RNF212: variants seen among roughly 807,000 people sequenced by gnomAD.
RNF212 encodes the protein ring finger protein 212.
RNF212 carries 33 observed loss-of-function variants against 34.7 expected under a neutral mutation model. That is an observed-to-expected ratio of 0.95 (90% confidence interval 0.72 to 1.27). The LOEUF (loss-of-function observed/expected upper bound fraction) is 1.27. Among genes scored for constraint, RNF212 ranks in the 50% most tolerant of loss-of-function variants. The probability of loss-of-function intolerance (pLI) is 0.00; values close to 1 mark genes in which losing one functional copy is unlikely to be tolerated. For missense variants in RNF212, 377 were observed against 362.2 expected (o/e 1.04, Z -0.33); for synonymous variants, 140 against 136.1 (o/e 1.03, Z -0.20).
intron 8 of RNF212, among the ~76,000 whole-genome samples, chr4:1,074,082 T>C (rs1042903868): frequency 2.6e-5 from 4 of 152,212 alleles, no homozygotes; most frequent in African/African-American, 9.7e-5. Context: ...CTCAGAGCTG[T>C]GTGTGCTGGG....
chr4:1,073,416 G>GCTT (rs966572462), intron 9 of RNF212, among the ~76,000 whole-genome samples, 183 bp downstream of exon 9: 4 of 152,104 alleles, frequency 2.6e-5, no homozygotes, highest in African/African-American at 9.7e-5. Flanking sequence ...GTCATCAGGA[G>GCTT]CTTCTCCCTG....
At chr4:1,079,445 G>T (rs1486638992) in intron 8 of RNF212, among the ~76,000 whole-genome samples, 198 bp downstream of exon 8, 2 of 152,226 alleles carry the variant, frequency 1.3e-5, no homozygotes, top group African/African-American at 4.8e-5. Context: ...GGCCATTCAG[G>T]CAGAACAGGA....
intron 3 of RNF212, chr4:1,093,755 G>C: frequency 2.6e-6 from 4 of 1,536,260 alleles, no homozygotes; most frequent in Non-Finnish European, 2.6e-6. Flanking sequence ...GCCCCAAGGG[G>C]ACTTGGTGTG....
chr4:1,079,582 G>A, intron 8 of RNF212, 61 bp downstream of exon 8: 1 of 1,170,060 alleles, frequency 8.5e-7, no homozygotes, highest in South Asian at 1.2e-5. Context: ...CACTACTGAG[G>A]AAAATGGGAA....
intron 4 of RNF212, among the ~76,000 whole-genome samples, chr4:1,089,778 T>C (rs1033494452): frequency 6.6e-6 from 1 of 152,182 alleles, no homozygotes; most frequent in Non-Finnish European, 1.5e-5. Context: ...TTTAAGAGTG[T>C]TTGGCAGTTC....
intron 8 of RNF212, among the ~76,000 whole-genome samples, chr4:1,077,215 G>A (rs1391298909): frequency 6.6e-6 from 1 of 152,178 alleles, no homozygotes; most frequent in African/African-American, 2.4e-5. Context: ...AGGCAATAGA[G>A]TGAGACTCTG....
chr4:1,091,257 T>C (rs1402447928), intron 3 of RNF212, among the ~76,000 whole-genome samples: 1 of 152,192 alleles, frequency 6.6e-6, no homozygotes, highest in East Asian at 1.9e-4. Flanking sequence ...AGAGGCCTGG[T>C]GGGCCTGTCT....
rs567303598 is a variant in RNF212, at chr4:1,092,012, C to T, written c.247-1174G>A. Among the ~76,000 whole-genome samples, 6 of 152,354 alleles carry T rather than the reference C, an allele frequency of 3.9e-5. No individual in the cohort carries two copies. In the South Asian group the frequency reaches 1.2e-3, roughly 32 times the overall value. On this transcript the variant is annotated intron_variant, in intron 3 of 9. Transcript: ENST00000433731. ...GGCACCTTTCCCACCTTTGCCGACG[C>T]TTCTCAAGTCCTGCTGCCTGTCGGG...
At chr4:1,090,027 G>A (rs1156895871) in intron 4 of RNF212, among the ~76,000 whole-genome samples, 8 of 151,886 alleles carry the variant, frequency 5.3e-5, no homozygotes, top group East Asian at 1.9e-4. Context: ...GAGGGGTGAC[G>A]GGATGGGATG....
chr4:1,083,627 G>A (rs1218135087), intron 5 of RNF212, among the ~76,000 whole-genome samples: 1 of 144,324 alleles, frequency 6.9e-6, no homozygotes, highest in Non-Finnish European at 1.5e-5. Context: ...GACAGAGTGA[G>A]ACTCTGTCTC....
intron 1 of RNF212, among the ~76,000 whole-genome samples, chr4:1,111,073 T>C (rs929582538): frequency 1.3e-5 from 2 of 152,184 alleles, no homozygotes; most frequent in African/African-American, 4.8e-5. Flanking sequence ...TTCCTAACAA[T>C]GTTATCTTCG....
chr4:1,093,154 T>C (rs1722464517), intron 3 of RNF212, among the ~76,000 whole-genome samples: 1 of 152,178 alleles, frequency 6.6e-6, no homozygotes, highest in Admixed American at 6.5e-5. Flanking sequence ...TTGTTGACGC[T>C]GTCCCAGGGC....
downstream of RNF212, among the ~76,000 whole-genome samples, chr4:1,068,531 A>G (rs1320062905): frequency 1.3e-5 from 2 of 152,134 alleles, no homozygotes; most frequent in African/African-American, 4.8e-5. Context: ...TGTTACATCT[A>G]TTTGTTATAA....
intron 4 of RNF212, among the ~76,000 whole-genome samples, chr4:1,057,238 G>A (rs1284733929): frequency 2.0e-5 from 3 of 152,174 alleles, no homozygotes; most frequent in African/African-American, 7.2e-5. Context: ...GACGGGAGGT[G>A]GGGGCGTGAG....
chr4:1,094,800 A>C (rs940379995), intron 3 of RNF212, among the ~76,000 whole-genome samples: 18 of 152,174 alleles, frequency 1.2e-4, no homozygotes, highest in African/African-American at 4.1e-4. Flanking sequence ...TGAGATTCTA[A>C]CGTGTGAATA....
chr4:1,073,852 G>A (rs1718833709), intron 8 of RNF212, 190 bp from the exon 9 acceptor site: 2 of 612,858 alleles, frequency 3.3e-6, no homozygotes, highest in Admixed American at 2.5e-5. Flanking sequence ...GGTAGAGGTG[G>A]TGTGGGTGGG....
chr4:1,099,718 C>T (rs1197965206), intron 2 of RNF212: 4 of 456,236 alleles, frequency 8.8e-6, no homozygotes, highest in South Asian at 6.2e-5. Context: ...AATCTCACAG[C>T]GTGACTGAAG....
At chr4:1,090,927 T>C in intron 3 of RNF212, 89 bp from the exon 4 acceptor site, 1 of 800,732 alleles carries the variant, frequency 1.2e-6, no homozygotes. Context: ...CTGGAGGGAC[T>C]CTCAGGAGAG....
At chr4:1,099,796 G>A (rs752461693) in intron 2 of RNF212, 20 of 456,192 alleles carry the variant, frequency 4.4e-5, no homozygotes, top group Non-Finnish European at 8.4e-5. Context: ...CCCTGGTGCA[G>A]AGCAATCGAG....
Sources: allele counts gnomAD v4.1 joint callset (sites outside exome capture counted in the v4.1 genomes callset), GRCh38; gene constraint gnomAD v4.1.1; transcripts MANE v1.5; gene names NCBI Gene and HGNC (gene_info 2026-07-23, HGNC 2026-07-21).